The following ATF7IP2 variants were observed in gnomAD, a reference collection of about 807,000 sequenced individuals.
ATF7IP2 encodes activating transcription factor 7-interacting protein 2.
In ATF7IP2, 42 loss-of-function variants were observed where a neutral mutation model predicts 64.2. The ratio of observed to expected loss-of-function variants is 0.65; its 90% CI spans 0.51 to 0.85. The LOEUF (loss-of-function observed/expected upper bound fraction) is 0.85, where lower values mean the gene tolerates loss of function less well. Among genes scored for constraint, ATF7IP2 ranks in the 40% least tolerant of loss-of-function variants. ATF7IP2 has a pLI of 0.00. For synonymous variants in ATF7IP2, 308 were observed against 272.8 expected (o/e 1.13, Z -1.27); for missense variants, 933 against 784.2 (o/e 1.19, Z -2.27).
At chr16:10,438,068 T>C in intron 6 of ATF7IP2, 33 bp from the exon 7 acceptor site, 1 of 1,484,050 alleles carries the variant, frequency 6.7e-7, no homozygotes, top group Non-Finnish European at 8.9e-7. Context: ...ATTTGAAACG[T>C]AGGGTGTTTT....
chr16:10,440,625 G>A (rs901169048), intron 8 of ATF7IP2, among the ~76,000 whole-genome samples, 163 bp downstream of exon 8: 5 of 152,170 alleles, frequency 3.3e-5, no homozygotes, highest in Non-Finnish European at 7.3e-5. Context: ...GACACCCTTA[G>A]GTAGTACATG....
chr16:10,399,432 A>G (rs1453283363), intron 1 of ATF7IP2, among the ~76,000 whole-genome samples: 1 of 152,222 alleles, frequency 6.6e-6, no homozygotes, highest in Non-Finnish European at 1.5e-5. Flanking sequence ...AGCACCATTT[A>G]TTGAAAAGTA....
At chr16:10,476,528 C>CATGTGCAGG (rs1416702741) in intron 12 of ATF7IP2, among the ~76,000 whole-genome samples, 5 of 151,924 alleles carry the variant, frequency 3.3e-5, no homozygotes. Flanking sequence ...TTCTGGGGTA[C>CATGTGCAGG]ATGTGCAGGA....
intron 1 of ATF7IP2, among the ~76,000 whole-genome samples, chr16:10,400,370 G>C (rs1417446636): frequency 6.6e-6 from 1 of 152,068 alleles, no homozygotes; most frequent in Admixed American, 6.5e-5. Flanking sequence ...CTGAAACTTA[G>C]TTTGTTTATT....
chr16:10,427,764 TG>T (rs1239781116), intron 3 of ATF7IP2, among the ~76,000 whole-genome samples: 3 of 148,366 alleles, frequency 2.0e-5, no homozygotes, highest in African/African-American at 7.5e-5. Context: ...GAGGCTGAGG[TG>T]GGAGGATAGC....
At chr16:10,474,542 A>T (rs1210276219) in intron 12 of ATF7IP2, among the ~76,000 whole-genome samples, 1 of 152,188 alleles carries the variant, frequency 6.6e-6, no homozygotes, top group Non-Finnish European at 1.5e-5. Flanking sequence ...TATAACATGA[A>T]AATGTAGACA....
At chr16:10,470,764 CAG>C (rs1266703736) in intron 9 of ATF7IP2, among the ~76,000 whole-genome samples, 2 of 150,468 alleles carry the variant, frequency 1.3e-5, no homozygotes, top group Non-Finnish European at 2.9e-5. Flanking sequence ...GCCTGGGAGA[CAG>C]AGCACGAGTC....
At chr16:10,419,492 G>A (rs532176323) in intron 2 of ATF7IP2, 89 bp from the exon 3 acceptor site, 1 of 153,228 alleles carries the variant, frequency 6.5e-6, no homozygotes, top group Non-Finnish European at 1.5e-5. Context: ...GTCAGCCCTT[G>A]CTAAAGGAAT....
intron 12 of ATF7IP2, 47 bp downstream of exon 12, chr16:10,474,036 T>C: frequency 1.0e-5 from 12 of 1,186,126 alleles, no homozygotes; most frequent in Non-Finnish European, 1.5e-5. Flanking sequence ...GAGGGAAGGG[T>C]AACAACTCAT....
At chr16:10,416,224 A>C (rs1352472114) in intron 2 of ATF7IP2, among the ~76,000 whole-genome samples, 1 of 152,254 alleles carries the variant, frequency 6.6e-6, no homozygotes, top group Non-Finnish European at 1.5e-5. Flanking sequence ...AGATAAATGG[A>C]TAAAGAAAAT....
chr16:10,390,868 A>T (rs1200466685), intron 1 of ATF7IP2, among the ~76,000 whole-genome samples: 4 of 152,216 alleles, frequency 2.6e-5, no homozygotes, highest in African/African-American at 4.8e-5. Flanking sequence ...AAACGCAAAG[A>T]AAGCAGAAGG....
At chr16:10,436,757 C>A (rs1317553450) in intron 6 of ATF7IP2, among the ~76,000 whole-genome samples, 1 of 152,110 alleles carries the variant, frequency 6.6e-6, no homozygotes, top group Non-Finnish European at 1.5e-5. Flanking sequence ...AGACTACTTA[C>A]ACTGTGGTGA....
At chr16:10,396,832 T>C (rs951991959) in intron 1 of ATF7IP2, among the ~76,000 whole-genome samples, 15 of 151,704 alleles carry the variant, frequency 9.9e-5, no homozygotes, top group African/African-American at 3.4e-4. Flanking sequence ...AAAAAAATTT[T>C]TTTTTTAAGA....
At chr16:10,405,672 G>T (rs148919073) in intron 1 of ATF7IP2, among the ~76,000 whole-genome samples, 2 of 152,062 alleles carry the variant, frequency 1.3e-5, no homozygotes, top group African/African-American at 4.8e-5. Flanking sequence ...CTTCATCAAC[G>T]TCCTCCCAGG....
chr16:10,458,943 T>G (rs923345646), intron 9 of ATF7IP2, among the ~76,000 whole-genome samples: 1 of 152,056 alleles, frequency 6.6e-6, no homozygotes, highest in Non-Finnish European at 1.5e-5. Flanking sequence ...CCCAGCAGTT[T>G]GGGAGGCTGA....
At chr16:10,389,962 G>C (rs1370236663) in intron 1 of ATF7IP2, among the ~76,000 whole-genome samples, 1 of 152,164 alleles carries the variant, frequency 6.6e-6, no homozygotes. Context: ...TTGTGTTTGT[G>C]ATAGACTTCT....
chr16:10,472,508 GTCT>G (rs752358857), intron 10 of ATF7IP2, among the ~76,000 whole-genome samples: 10 of 151,220 alleles, frequency 6.6e-5, no homozygotes, highest in Non-Finnish European at 7.4e-5. Flanking sequence ...TTTGTTTTTT[GTCT>G]TCTTATTTTT....
intron 12 of ATF7IP2, among the ~76,000 whole-genome samples, chr16:10,476,473 A>G (rs1385979085): frequency 6.7e-6 from 1 of 149,206 alleles, no homozygotes; most frequent in South Asian, 2.1e-4. Context: ...CCCTGTATTT[A>G]CTCTCCCCAG....
intron 9 of ATF7IP2, among the ~76,000 whole-genome samples, chr16:10,469,569 A>G (rs2049711282): frequency 6.6e-6 from 1 of 152,116 alleles, no homozygotes; most frequent in South Asian, 2.1e-4. Flanking sequence ...TCACATAGAA[A>G]GGAACAGAAA....
Sources: gnomAD v4.1 joint callset for allele counts (sites outside exome capture counted in the v4.1 genomes callset) on GRCh38, gnomAD v4.1.1 for gene constraint, MANE v1.5 for transcripts, NCBI Gene and HGNC (gene_info 2026-07-23, HGNC 2026-07-21) for gene names.